The following RPS6KC1 variants were observed in gnomAD, a reference collection of about 807,000 sequenced individuals.
The protein encoded by RPS6KC1 is inactive ribosomal protein S6 kinase delta-1.
Under a neutral mutation model 103.8 loss-of-function variants are expected in RPS6KC1, and 54 were observed. The ratio of observed to expected loss-of-function variants is 0.52; its 90% CI spans 0.42 to 0.65. The LOEUF (loss-of-function observed/expected upper bound fraction) is 0.65, where lower values mean the gene tolerates loss of function less well. Among genes scored for constraint, RPS6KC1 ranks in the 30% least tolerant of loss-of-function variants. The pLI is 0.00. For missense variants in RPS6KC1, 1,151 were observed against 1,253.8 expected (o/e 0.92, Z 1.24); for synonymous variants, 439 against 438.7 (o/e 1.00, Z -0.01).
At chr1:213,217,651 G>T (rs1047232207) in intron 8 of RPS6KC1, among the ~76,000 whole-genome samples, 1 of 152,182 alleles carries the variant, frequency 6.6e-6, no homozygotes, top group Admixed American at 6.6e-5. Context: ...GAATCCAGCA[G>T]CACATCAGAA....
chr1:213,483,282 C>T, the RPS6KC1 span, among the ~76,000 whole-genome samples: 1 of 152,298 alleles, frequency 6.6e-6, no homozygotes, highest in South Asian at 2.1e-4. Flanking sequence ...CACTGGGTCC[C>T]TCCCATGACG....
chr1:213,645,777 TG>T, the RPS6KC1 span, among the ~76,000 whole-genome samples: 1 of 152,348 alleles, frequency 6.6e-6, no homozygotes, highest in African/African-American at 2.4e-5. Flanking sequence ...TCAGTTTGGC[TG>T]GGCCACTGAA....
At chr1:213,538,916 A>G in the RPS6KC1 span, among the ~76,000 whole-genome samples, 4 of 152,186 alleles carry the variant, frequency 2.6e-5, no homozygotes, top group East Asian at 1.9e-4. Flanking sequence ...TATATTGACT[A>G]TTTCATCTAT....
At chr1:213,733,770 C>G in the RPS6KC1 span, among the ~76,000 whole-genome samples, 1 of 152,258 alleles carries the variant, frequency 6.6e-6, no homozygotes. Context: ...GTTCAAGTAG[C>G]CTTCTCTAGA....
chr1:213,163,614 C>G (rs1032946262), intron 6 of RPS6KC1, among the ~76,000 whole-genome samples: 1 of 151,294 alleles, frequency 6.6e-6, no homozygotes, highest in African/African-American at 2.4e-5. Context: ...TTGAAAGAAC[C>G]GTTTTTTATT....
chr1:213,713,135 T>C, the RPS6KC1 span, among the ~76,000 whole-genome samples: 1 of 152,232 alleles, frequency 6.6e-6, no homozygotes, highest in Non-Finnish European at 1.5e-5. Context: ...ATTTTATTTT[T>C]GTTTCTATGA....
chr1:213,096,814 G>A (rs74755229), intron 3 of RPS6KC1, among the ~76,000 whole-genome samples: 3,397 of 152,220 alleles, frequency 0.022, 124 homozygotes, highest in African/African-American at 0.078. Flanking sequence ...CCTATGAAAT[G>A]TATTTCTTAA....
the RPS6KC1 span, among the ~76,000 whole-genome samples, chr1:213,531,293 A>G: frequency 2.4e-5 from 2 of 83,870 alleles, no homozygotes; most frequent in Non-Finnish European, 6.3e-5. Flanking sequence ...ACTGATATCT[A>G]TAATATAGTT....
the RPS6KC1 span, among the ~76,000 whole-genome samples, chr1:213,359,607 A>T: frequency 2.0e-5 from 3 of 150,430 alleles, no homozygotes; most frequent in Non-Finnish European, 3.0e-5. Context: ...TTATGATGTT[A>T]GCTGGTTATT....
At chr1:213,214,478 G>T (rs1573338014) in intron 8 of RPS6KC1, among the ~76,000 whole-genome samples, 2 of 152,220 alleles carry the variant, frequency 1.3e-5, no homozygotes, top group East Asian at 3.9e-4. Context: ...AAAGGCAGCA[G>T]AAACCTCTGC....
the RPS6KC1 span, among the ~76,000 whole-genome samples, chr1:213,290,697 G>A: frequency 6.6e-6 from 1 of 152,090 alleles, no homozygotes; most frequent in Non-Finnish European, 1.5e-5. Flanking sequence ...GTTGTGACAA[G>A]GGCAGACATG....
the RPS6KC1 span, among the ~76,000 whole-genome samples, chr1:213,314,509 A>G: frequency 2.0e-5 from 3 of 152,226 alleles, no homozygotes; most frequent in Non-Finnish European, 4.4e-5. Flanking sequence ...AGAGTGTCCT[A>G]TTGTCAAATG....
the RPS6KC1 span, among the ~76,000 whole-genome samples, chr1:213,549,296 A>G: frequency 6.6e-6 from 1 of 152,304 alleles, no homozygotes; most frequent in East Asian, 1.9e-4. Flanking sequence ...CGGTGGAGAG[A>G]GAAATCACTC....
the RPS6KC1 span, among the ~76,000 whole-genome samples, chr1:213,575,178 A>G: frequency 6.6e-6 from 1 of 152,144 alleles, no homozygotes. Flanking sequence ...TAAAGATCTT[A>G]TTATGATGTC....
chr1:213,596,620 T>C, the RPS6KC1 span, among the ~76,000 whole-genome samples: 1 of 152,246 alleles, frequency 6.6e-6, no homozygotes, highest in African/African-American at 2.4e-5. Context: ...AGCCCACCAC[T>C]CCTGGTTTGA....
chr1:213,726,370 A>G, the RPS6KC1 span, among the ~76,000 whole-genome samples: 2 of 152,214 alleles, frequency 1.3e-5, no homozygotes, highest in African/African-American at 4.8e-5. Context: ...CTACCATGCC[A>G]GGCCTGTTGT....
intron 9 of RPS6KC1, among the ~76,000 whole-genome samples, chr1:213,231,570 C>T (rs1409397067): frequency 2.0e-5 from 3 of 152,140 alleles, no homozygotes; most frequent in African/African-American, 7.2e-5. Context: ...CATACTGAAA[C>T]ACATTTTGTG....
At chr1:213,644,925 G>A in the RPS6KC1 span, among the ~76,000 whole-genome samples, 14 of 152,090 alleles carry the variant, frequency 9.2e-5, no homozygotes, top group African/African-American at 3.1e-4. Context: ...ATTTTAATTT[G>A]CATTCCTTTT....
chr1:213,161,035 C>A (rs531777237), intron 6 of RPS6KC1, among the ~76,000 whole-genome samples: 3 of 152,206 alleles, frequency 2.0e-5, no homozygotes, highest in African/African-American at 7.2e-5. Flanking sequence ...ATATACTTAT[C>A]CATTCATTTG....
Sources: gnomAD v4.1 joint callset for allele counts (sites outside exome capture counted in the v4.1 genomes callset) on GRCh38, gnomAD v4.1.1 for gene constraint, MANE v1.5 for transcripts, NCBI Gene and HGNC (gene_info 2026-07-23, HGNC 2026-07-21) for gene names.